Variants in USP54 observed in about 807,000 individuals in gnomAD.
USP54 encodes the protein ubiquitin specific peptidase 54.
USP54 carries 87 observed loss-of-function variants against 170.5 expected under a neutral mutation model. The ratio of observed to expected loss-of-function variants is 0.51; its 90% CI spans 0.43 to 0.61. USP54 has a LOEUF of 0.61. Among genes scored for constraint, USP54 ranks in the 20% least tolerant of loss-of-function variants. The pLI is 0.00. For missense variants in USP54, 1,786 were observed against 2,047.8 expected (o/e 0.87, Z 2.47); for synonymous variants, 655 against 742.8 (o/e 0.88, Z 1.92).
chr10:73,624,159 CATATATATATATATATATAT>C (rs58238181), intron 1 of USP54, among the ~76,000 whole-genome samples: 7,513 of 70,092 alleles, frequency 0.11, 547 homozygotes, highest in East Asian at 0.34. Flanking sequence ...TTTTAAAAGC[CATATATATATATATATATAT>C]ATATATATAT....
At position 73,615,891 on chromosome 10, in the gene USP54, G is replaced by A. The variant is rs137937361; in HGVS notation, c.-18+9676C>T. Among the ~76,000 whole-genome samples the A allele has an allele frequency of 8.9e-3, 1,064 of 119,942 alleles. 70 individuals are homozygous for A. Among genetic ancestry groups the A allele is most frequent in the African/African-American group, 0.034 (967 of 28,546 alleles). 78.7% of individuals were successfully genotyped at this position (119,942 alleles called of 152,430 possible). A position where few individuals can be genotyped will look rare whatever the true frequency, so the allele number is the denominator to read the frequency against. On this transcript the variant is annotated intron_variant, in intron 1 of 22. Transcript: ENST00000339859. ...GCGAAATCACTCCAGCCTGGGCAAC[G>A]AAGAGATCAGTCTCAAAAAAAAAAA...
At chr10:73,527,960 A>C (rs1160618013) in intron 15 of USP54, among the ~76,000 whole-genome samples, 1 of 151,566 alleles carries the variant, frequency 6.6e-6, no homozygotes, top group Non-Finnish European at 1.5e-5. Context: ...TTTGAGATGG[A>C]GTTTCGCTCT....
chr10:73,526,835 T>G, intron 15 of USP54, 55 bp from the exon 16 acceptor site: 1 of 1,571,882 alleles, frequency 6.4e-7, no homozygotes, highest in East Asian at 2.3e-5. Flanking sequence ...TATAGCAACA[T>G]TCCTAGGACT....
chr10:73,537,460 C>T (rs1269767294), intron 10 of USP54, among the ~76,000 whole-genome samples: 1 of 152,096 alleles, frequency 6.6e-6, no homozygotes, highest in African/African-American at 2.4e-5. Context: ...CAAGCAGCTT[C>T]CTAACTCATG....
intron 1 of USP54, among the ~76,000 whole-genome samples, chr10:73,607,917 A>G (rs939281721): frequency 2.0e-5 from 3 of 151,850 alleles, no homozygotes; most frequent in African/African-American, 7.3e-5. Flanking sequence ...AATGAGTTGC[A>G]GTGTGCGAAG....
intron 20 of USP54, among the ~76,000 whole-genome samples, chr10:73,515,283 T>A (rs567822728): frequency 1.7e-4 from 26 of 151,322 alleles, no homozygotes; most frequent in South Asian, 6.3e-4. Flanking sequence ...TATCTTTTTT[T>A]AAAAAAAAAG....
At chr10:73,580,080 T>C (rs1477836440) in intron 1 of USP54, among the ~76,000 whole-genome samples, 2 of 152,014 alleles carry the variant, frequency 1.3e-5, no homozygotes, top group Non-Finnish European at 2.9e-5. Context: ...TCCCAGCACT[T>C]TGGGAGGCTG....
chr10:73,610,192 A>G (rs920775495), intron 1 of USP54, among the ~76,000 whole-genome samples: 1 of 152,092 alleles, frequency 6.6e-6, no homozygotes, highest in African/African-American at 2.4e-5. Flanking sequence ...TAAAAAAATA[A>G]AAATAAAAAA....
chr10:73,540,518 G>GGA, intron 9 of USP54, among the ~76,000 whole-genome samples: 1 of 151,158 alleles, frequency 6.6e-6, no homozygotes, highest in Non-Finnish European at 1.5e-5. Flanking sequence ...TGCAGTGAAG[G>GGA]GAGATCACAC....
At chr10:73,564,825 G>T (rs1271703463) in intron 4 of USP54, among the ~76,000 whole-genome samples, 1 of 151,312 alleles carries the variant, frequency 6.6e-6, no homozygotes, top group Admixed American at 6.6e-5. Context: ...CACCTTGAGA[G>T]GCCAAGGTGG....
intron 1 of USP54, among the ~76,000 whole-genome samples, chr10:73,584,280 C>T (rs746196778): frequency 2.6e-5 from 4 of 151,926 alleles, no homozygotes; most frequent in Admixed American, 1.3e-4. Context: ...CCCAGCTACT[C>T]GGGAGGCTGA....
intron 12 of USP54, among the ~76,000 whole-genome samples, chr10:73,532,366 G>A (rs1590093114): frequency 6.6e-6 from 1 of 151,958 alleles, no homozygotes; most frequent in African/African-American, 2.4e-5. Flanking sequence ...TAGTAGAGAC[G>A]GGGTTTCACC....
intron 22 of USP54, among the ~76,000 whole-genome samples, chr10:73,503,579 T>G (rs186319845): frequency 2.5e-3 from 375 of 152,280 alleles, no homozygotes; most frequent in African/African-American, 8.5e-3. Context: ...AAGAACAATT[T>G]GCCATTAAAT....
At chr10:73,514,311 C>T (rs957705607) in intron 20 of USP54, among the ~76,000 whole-genome samples, 1 of 151,934 alleles carries the variant, frequency 6.6e-6, no homozygotes. Flanking sequence ...GTGTATAATC[C>T]CTGCACTTTG....
chr10:73,622,178 G>C (rs1176852760), intron 1 of USP54, among the ~76,000 whole-genome samples: 3 of 152,086 alleles, frequency 2.0e-5, no homozygotes, highest in Non-Finnish European at 4.4e-5. Flanking sequence ...TTTCTTTAAA[G>C]TAACTAGTAC....
In USP54 at chr10:73,575,909, A is replaced by C; in HGVS notation, c.-129T>G. 3.1e-6 allele frequency: 1 copy of C among 318,318 alleles called. No individual in the cohort carries two copies. Among genetic ancestry groups the C allele is most frequent in the East Asian group, 5.5e-5 (1 of 18,048 alleles). The allele number at this position is 318,318 out of a possible 1,614,324, so 19.7% of individuals were successfully genotyped here. A position where few individuals can be genotyped will look rare whatever the true frequency, so the allele number is the denominator to read the frequency against. ...TCTCCAAAATGTAACATGGCACAGG[A>C]CTAATGCAAACAGAGAAATCCTTAA... On this transcript the variant is annotated 5_prime_UTR_variant, in exon 2 of 24. Transcript: ENST00000687698.
intron 4 of USP54, among the ~76,000 whole-genome samples, chr10:73,567,395 G>A (rs140762643): frequency 0.011 from 1,646 of 152,260 alleles, 10 homozygotes; most frequent in Non-Finnish European, 0.018. Flanking sequence ...ACTGGGCTGG[G>A]TGCAGTGGCT....
At chr10:73,503,183 A>C (rs1476440516) in intron 22 of USP54, among the ~76,000 whole-genome samples, 1 of 152,174 alleles carries the variant, frequency 6.6e-6, no homozygotes, top group Non-Finnish European at 1.5e-5. Context: ...AGCTTCTTTT[A>C]ATTCAGTTAA....
intron 1 of USP54, among the ~76,000 whole-genome samples, chr10:73,620,509 A>G (rs1287263834): frequency 1.4e-5 from 2 of 147,040 alleles, no homozygotes; most frequent in Non-Finnish European, 3.0e-5. Context: ...TCTCAGTAGA[A>G]ATAGGGTCTC....
Sources: allele counts gnomAD v4.1 joint callset (sites outside exome capture counted in the v4.1 genomes callset), GRCh38; gene constraint gnomAD v4.1.1; transcripts MANE v1.5; gene names NCBI Gene and HGNC (gene_info 2026-07-23, HGNC 2026-07-21).